PAPPA: variants seen among roughly 807,000 people sequenced by gnomAD.
PAPPA encodes the protein pappalysin 1.
In PAPPA, 60 loss-of-function variants were observed where a neutral mutation model predicts 164.0. The observed-to-expected ratio is 0.37, with a 90% CI of 0.30 to 0.45. The LOEUF (loss-of-function observed/expected upper bound fraction) is 0.45, where lower values mean the gene tolerates loss of function less well. Among genes scored for constraint, PAPPA ranks in the 20% least tolerant of loss-of-function variants. The probability of loss-of-function intolerance (pLI) is 1.00; values close to 1 mark genes in which losing one functional copy is unlikely to be tolerated. For missense variants in PAPPA, 1,782 were observed against 2,087.3 expected (o/e 0.85, Z 2.85); for synonymous variants, 875 against 814.1 (o/e 1.07, Z -1.27).
intron 16 of PAPPA, 107 bp downstream of exon 16, chr9:116,353,023 G>C (rs1228257505): frequency 2.5e-5 from 20 of 797,518 alleles, no homozygotes; most frequent in Non-Finnish European, 3.5e-5. Flanking sequence ...GGTAATGACT[G>C]CCATTCATCC....
intron 7 of PAPPA, among the ~76,000 whole-genome samples, chr9:116,236,108 G>C (rs1485885689): frequency 6.6e-6 from 1 of 152,130 alleles, no homozygotes; most frequent in Non-Finnish European, 1.5e-5. Context: ...CACAGTCCTA[G>C]GTATTTGCAC....
At chr9:116,276,252 A>G (rs1425353925) in intron 9 of PAPPA, among the ~76,000 whole-genome samples, 1 of 152,236 alleles carries the variant, frequency 6.6e-6, no homozygotes, top group Admixed American at 6.5e-5. Context: ...TAGTCAAATT[A>G]GTCAGACAAA....
rs546835115 is a variant in PAPPA, at chr9:116,340,544, T to G, written c.3612-3999T>G. Among the ~76,000 whole-genome samples, 8 of 152,334 alleles carry G rather than the reference T, an allele frequency of 5.3e-5. No individual in the cohort carries two copies. In the East Asian group the frequency reaches 1.5e-3, roughly 29 times the overall value. On this transcript the variant is annotated intron_variant, in intron 13 of 21. Coordinates refer to ENST00000328252, the MANE Select transcript of PAPPA (RefSeq NM_002581.5). Reference sequence around the variant, plus strand: ...TGTGTGGAATGCAAATAAGGTGATGTAGGTGAAACAGAGTGGCCAATGCCT... The same window carrying G: ...TGTGTGGAATGCAAATAAGGTGATGGAGGTGAAACAGAGTGGCCAATGCCT...
intron 5 of PAPPA, among the ~76,000 whole-genome samples, chr9:116,221,602 G>T (rs559127481): frequency 1.2e-4 from 19 of 152,270 alleles, no homozygotes; most frequent in Admixed American, 9.1e-4. Flanking sequence ...GTCATGGAAA[G>T]TGGCAGGCAC....
In PAPPA at chr9:116,239,223, G is replaced by T. The variant is rs1844708513; in HGVS notation, c.2732+3586G>T. 2.0e-5 allele frequency among the ~76,000 whole-genome samples: 3 copies of T among 152,082 alleles called. No homozygotes were observed. In the South Asian group the frequency reaches 6.2e-4, roughly 32 times the overall value. ...ACTTCTAGTAGACTGATTACTTTTG[G>T]CCAGGACCAGAAAGAAATGTGGAAC... On this transcript the variant is annotated intron_variant, in intron 7 of 21. Transcript: ENST00000328252.
intron 9 of PAPPA, among the ~76,000 whole-genome samples, chr9:116,281,019 G>A (rs1845259436): frequency 6.6e-6 from 1 of 152,098 alleles, no homozygotes; most frequent in South Asian, 2.1e-4. Flanking sequence ...AAACTAACTG[G>A]CTAAATAAAT....
In PAPPA at chr9:116,235,440, C is replaced by T. The variant is rs377702306; in HGVS notation, c.2535C>T (p.Asp845=). The change falls in exon 7 of 22, where the codon GAC becomes GAT. Residue 845 remains aspartate (D), a synonymous_variant. Transcript: ENST00000328252. ...TCCCACTGACCATCAGACTCTGGGA[C>T]GTGGGCGAGGAGGTGTATGGCATCC... The part of the protein sequence containing the change: ...CDVPLTIRLW[D]VGEEVYGIQI... 1.1e-4 allele frequency: 181 copies of T among 1,613,588 alleles called. No homozygotes were observed. The highest frequency in any genetic ancestry group is 1.7e-4 in the Middle Eastern group (1 of 6,042).
chr9:116,209,118 G>T (rs189958510), intron 3 of PAPPA, among the ~76,000 whole-genome samples: 1 of 152,184 alleles, frequency 6.6e-6, no homozygotes, highest in East Asian at 1.9e-4. Flanking sequence ...TGTATGGGTA[G>T]ATAGATTGGC....
chr9:116,164,327 AC>A (rs1281166734), intron 1 of PAPPA, among the ~76,000 whole-genome samples: 1 of 151,928 alleles, frequency 6.6e-6, no homozygotes, highest in Non-Finnish European at 1.5e-5. Flanking sequence ...TGCTTTGACC[AC>A]TTGGATTTTT....
At chr9:116,238,946 AT>A (rs767859606) in intron 7 of PAPPA, among the ~76,000 whole-genome samples, 114 of 152,094 alleles carry the variant, frequency 7.5e-4, no homozygotes, top group Non-Finnish European at 1.5e-3. Flanking sequence ...CTGCTTTCAC[AT>A]TTTTTCCATA....
chr9:116,235,775 T>A, intron 7 of PAPPA, 138 bp downstream of exon 7: 2 of 836,486 alleles, frequency 2.4e-6, no homozygotes, highest in Admixed American at 4.0e-5. Flanking sequence ...CATCATTGGG[T>A]GTAGATTTGT....
At chr9:116,210,173 C>A (rs1844289238) in intron 3 of PAPPA, among the ~76,000 whole-genome samples, 1 of 152,100 alleles carries the variant, frequency 6.6e-6, no homozygotes, top group Non-Finnish European at 1.5e-5. Flanking sequence ...CCTTCTCATA[C>A]CCAAGTGAAT....
At chr9:116,246,146 T>A (rs1844794249) in intron 7 of PAPPA, among the ~76,000 whole-genome samples, 1 of 152,194 alleles carries the variant, frequency 6.6e-6, no homozygotes, top group Non-Finnish European at 1.5e-5. Flanking sequence ...GTTCCCCATA[T>A]AATGATAGGA....
intron 4 of PAPPA, among the ~76,000 whole-genome samples, chr9:116,212,511 G>A (rs570743987): frequency 6.6e-6 from 1 of 152,256 alleles, no homozygotes; most frequent in Admixed American, 6.5e-5. Context: ...CCTTACCACT[G>A]CACCTGCAGC....
intron 2 of PAPPA, among the ~76,000 whole-genome samples, chr9:116,206,782 G>C (rs1233892566): frequency 2.6e-5 from 4 of 152,146 alleles, no homozygotes; most frequent in Non-Finnish European, 5.9e-5. Flanking sequence ...AAGTCTTCCT[G>C]GAGGAGGGAT....
intron 7 of PAPPA, among the ~76,000 whole-genome samples, chr9:116,254,578 C>A (rs184167875): frequency 5.3e-5 from 8 of 152,096 alleles, no homozygotes; most frequent in Admixed American, 5.2e-4. Flanking sequence ...GTCAGGAGAT[C>A]GAGACCATCC....
intron 19 of PAPPA, among the ~76,000 whole-genome samples, chr9:116,374,361 T>C (rs1283525955): frequency 6.6e-6 from 1 of 152,124 alleles, no homozygotes; most frequent in Non-Finnish European, 1.5e-5. Context: ...CTCACTGGTA[T>C]CAAGAGGAAA....
intron 1 of PAPPA, among the ~76,000 whole-genome samples, chr9:116,158,720 C>T (rs1356281825): frequency 6.6e-6 from 1 of 152,226 alleles, no homozygotes; most frequent in Admixed American, 6.5e-5. Flanking sequence ...AGAAATCCAA[C>T]TCTACCTGGG....
At position 116,206,476 on chromosome 9, in the gene PAPPA, G is replaced by A. The variant is rs534461311; in HGVS notation, c.1479-980G>A. Among the ~76,000 whole-genome samples the A allele has an allele frequency of 3.9e-5, 6 of 152,176 alleles. No homozygotes were observed. The East Asian group carries it at 1.2e-3, about 29-fold the overall frequency. On this transcript the variant is annotated intron_variant, in intron 2 of 21. Coordinates refer to ENST00000328252, the MANE Select transcript of PAPPA (RefSeq NM_002581.5). ...AAGGAAACTGAGGCCCCATTAGTCA[G>A]GAATTATTGAATTTGAGACTGAGAG...
Sources: gnomAD v4.1 joint callset for allele counts (sites outside exome capture counted in the v4.1 genomes callset) on GRCh38, gnomAD v4.1.1 for gene constraint, MANE v1.5 for transcripts, NCBI Gene and HGNC (gene_info 2026-07-23, HGNC 2026-07-21) for gene names.